The following NLGN1 variants were observed in gnomAD, a reference collection of about 807,000 sequenced individuals.
The protein encoded by NLGN1 is neuroligin 1, also known as neuroligin-1.
In NLGN1, 12 loss-of-function variants were observed where a neutral mutation model predicts 65.5. That is an observed-to-expected ratio of 0.18 (90% confidence interval 0.12 to 0.30). The LOEUF (loss-of-function observed/expected upper bound fraction) is 0.30. NLGN1 is among the 10% of genes least tolerant of loss of function. NLGN1 has a pLI of 1.00. For synonymous variants in NLGN1, 350 were observed against 359.5 expected (o/e 0.97, Z 0.30); for missense variants, 750 against 1,007.1 (o/e 0.74, Z 3.46).
chr3:174,162,393 A>T (rs1726722569), intron 4 of NLGN1, among the ~76,000 whole-genome samples: 1 of 151,848 alleles, frequency 6.6e-6, no homozygotes, highest in African/African-American at 2.4e-5. Flanking sequence ...GTTTGGAGGG[A>T]CTATAACCTC....
rs1364769727 is a variant in NLGN1, at chr3:173,539,633, C to CAGATATA, written c.-320-64645_-320-64644insGATATAA. 1.0e-4 allele frequency among the ~76,000 whole-genome samples: 4 copies of CAGATATA among 39,736 alleles called. No individual in the cohort carries two copies. In the East Asian group the frequency reaches 6.1e-3, roughly 61 times the overall value. The allele number at this position is 39,736 out of a possible 152,430, so 26.1% of individuals were successfully genotyped here. A position where few individuals can be genotyped will look rare whatever the true frequency, so the allele number is the denominator to read the frequency against. On this transcript the variant is annotated intron_variant, in intron 2 of 6. Transcript: ENST00000457714. Reference sequence around the variant, plus strand: ...GTTATATATTATATATTTATATATACACATATATACATATATAACATATGT... The same window carrying CAGATATA: ...GTTATATATTATATATTTATATATACAGATATAACATATATACATATATAACATATGT...
chr3:174,093,546 A>T lies in NLGN1; in HGVS notation c.647-181769A>T, dbSNP rs142565512. ...GAAGCAAACTGATTAATAGTTACAC[A>T]CAAACTCATCAATAATGCTAATGCC... On this transcript the variant is annotated intron_variant, in intron 4 of 6. Coordinates refer to ENST00000457714, the Ensembl canonical transcript of NLGN1. 1.6e-4 allele frequency among the ~76,000 whole-genome samples: 24 copies of T among 152,328 alleles called. 1 individual carries two copies. The East Asian group carries it at 4.6e-3, about 29-fold the overall frequency.
intron 4 of NLGN1, among the ~76,000 whole-genome samples, chr3:174,081,606 T>G (rs1393161300): frequency 1.3e-5 from 2 of 151,492 alleles, no homozygotes; most frequent in Admixed American, 6.6e-5. Flanking sequence ...TGTTTTTTTT[T>G]TTTTTTTTTT....
At chr3:173,625,355 C>T (rs895706352) in intron 3 of NLGN1, among the ~76,000 whole-genome samples, 4 of 152,086 alleles carry the variant, frequency 2.6e-5, no homozygotes, top group Non-Finnish European at 5.9e-5. Context: ...CCCCAGCACA[C>T]GTACCACCAC....
chr3:174,210,060 T>C, intron 4 of NLGN1, among the ~76,000 whole-genome samples: 1 of 152,218 alleles, frequency 6.6e-6, no homozygotes, highest in East Asian at 1.9e-4. Flanking sequence ...TTGATGCCTT[T>C]TCCTGGAAAG....
chr3:173,800,528 A>C (rs1715238335), intron 3 of NLGN1, among the ~76,000 whole-genome samples: 1 of 151,636 alleles, frequency 6.6e-6, no homozygotes, highest in African/African-American at 2.4e-5. Context: ...ATTTTTTTAA[A>C]AAATTAATAT....
chr3:173,811,982 T>A (rs1163636122), intron 4 of NLGN1, among the ~76,000 whole-genome samples: 2 of 152,218 alleles, frequency 1.3e-5, no homozygotes, highest in Non-Finnish European at 2.9e-5. Flanking sequence ...GGTGGAAATT[T>A]AATCAGTTAC....
chr3:173,522,828 C>A (rs1335319419), intron 2 of NLGN1, among the ~76,000 whole-genome samples: 1 of 152,054 alleles, frequency 6.6e-6, no homozygotes, highest in Non-Finnish European at 1.5e-5. Context: ...GATTTTAGTC[C>A]TTTGAGAGCT....
chr3:174,093,239 G>A (rs541406391), intron 4 of NLGN1, among the ~76,000 whole-genome samples: 1 of 152,268 alleles, frequency 6.6e-6, no homozygotes, highest in African/African-American at 2.4e-5. Flanking sequence ...GGAAAAGGAA[G>A]AATTAAGATA....
chr3:173,547,847 T>C (rs1381930697), intron 2 of NLGN1, among the ~76,000 whole-genome samples: 1 of 152,002 alleles, frequency 6.6e-6, no homozygotes, highest in African/African-American at 2.4e-5. Flanking sequence ...AGGAGTACAA[T>C]TTCTATTACA....
intron 3 of NLGN1, among the ~76,000 whole-genome samples, chr3:173,665,336 T>C (rs1250035395): frequency 6.6e-6 from 1 of 152,150 alleles, no homozygotes; most frequent in Non-Finnish European, 1.5e-5. Flanking sequence ...ACGTAGTTGC[T>C]TCCCCTTCCT....
chr3:174,102,126 G>C (rs1712650864), intron 4 of NLGN1, among the ~76,000 whole-genome samples: 1 of 152,126 alleles, frequency 6.6e-6, no homozygotes, highest in African/African-American at 2.4e-5. Context: ...CCTCCAAAGA[G>C]GCCTTTGTGG....
intron 2 of NLGN1, among the ~76,000 whole-genome samples, chr3:173,449,469 T>A (rs1316805842): frequency 1.3e-5 from 2 of 152,062 alleles, no homozygotes; most frequent in African/African-American, 2.4e-5. Flanking sequence ...TGCTGAGGAG[T>A]GCTTTACTTC....
intron 4 of NLGN1, among the ~76,000 whole-genome samples, chr3:174,168,565 A>G (rs1727953015): frequency 6.6e-6 from 1 of 152,146 alleles, no homozygotes; most frequent in South Asian, 2.1e-4. Flanking sequence ...TCATCCTACA[A>G]GCCCATAAAT....
At chr3:173,420,394 A>G (rs866204480) in intron 1 of NLGN1, among the ~76,000 whole-genome samples, 17 of 152,106 alleles carry the variant, frequency 1.1e-4, no homozygotes, top group African/African-American at 3.6e-4. Flanking sequence ...ATGTCCCTAC[A>G]AAGGACATGA....
At chr3:173,432,385 A>G (rs1410012946) in intron 1 of NLGN1, among the ~76,000 whole-genome samples, 1 of 152,200 alleles carries the variant, frequency 6.6e-6, no homozygotes, top group Non-Finnish European at 1.5e-5. Context: ...CCTTGCCAGC[A>G]TTTAGTGTTG....
At chr3:173,434,434 C>A (rs1276850756) in intron 1 of NLGN1, among the ~76,000 whole-genome samples, 3 of 152,120 alleles carry the variant, frequency 2.0e-5, no homozygotes, top group Non-Finnish European at 4.4e-5. Context: ...ACTTAAGAAA[C>A]ACTGATTTAG....
intron 1 of NLGN1, among the ~76,000 whole-genome samples, chr3:173,429,166 T>C (rs1410919751): frequency 6.6e-6 from 1 of 152,192 alleles, no homozygotes; most frequent in Admixed American, 6.5e-5. Flanking sequence ...CTAGATCTTA[T>C]AGACATTCTT....
At chr3:173,510,545 G>T (rs933201721) in intron 2 of NLGN1, among the ~76,000 whole-genome samples, 3 of 152,138 alleles carry the variant, frequency 2.0e-5, no homozygotes, top group African/African-American at 7.2e-5. Context: ...CTAAAAAATT[G>T]TTTTATTGCC....
Sources: allele counts gnomAD v4.1 joint callset (sites outside exome capture counted in the v4.1 genomes callset), GRCh38; gene constraint gnomAD v4.1.1; transcripts MANE v1.5; gene names NCBI Gene and HGNC (gene_info 2026-07-23, HGNC 2026-07-21).